Variants in LUZP2 observed in about 807,000 individuals in gnomAD.
LUZP2 encodes leucine zipper protein 2.
Under a neutral mutation model 51.6 loss-of-function variants are expected in LUZP2, and 52 were observed. The observed-to-expected ratio is 1.01, with a 90% CI of 0.81 to 1.27. LUZP2 has a LOEUF of 1.27. LUZP2 is among the 50% of genes most tolerant of loss of function. The probability of loss-of-function intolerance (pLI) is 0.00; values close to 1 mark genes in which losing one functional copy is unlikely to be tolerated. For missense variants in LUZP2, 436 were observed against 395.4 expected, an observed-to-expected ratio of 1.10 and a Z score of -0.87; for synonymous variants, 154 against 137.3, an observed-to-expected ratio of 1.12 and a Z score of -0.85.
chr11:24,837,552 T>C (rs1273868629), intron 5 of LUZP2, among the ~76,000 whole-genome samples: 1 of 151,708 alleles, frequency 6.6e-6, no homozygotes, highest in Non-Finnish European at 1.5e-5. Flanking sequence ...TAAAATAACT[T>C]GTGGAAGAGT....
chr11:24,720,099 T>C (rs1858206839), intron 1 of LUZP2, among the ~76,000 whole-genome samples: 1 of 152,176 alleles, frequency 6.6e-6, no homozygotes, highest in Non-Finnish European at 1.5e-5. Context: ...ACAATTAGAA[T>C]ATTTGAGTAT....
intron 9 of LUZP2, among the ~76,000 whole-genome samples, chr11:24,986,548 T>TGTGTGC (rs1216662661): frequency 1.3e-5 from 2 of 150,730 alleles, no homozygotes; most frequent in Non-Finnish European, 3.0e-5. Flanking sequence ...TGTGTGTGTG[T>TGTGTGC]GTGTGTGTGT....
At chr11:25,034,791 T>C (rs1014500670) in intron 9 of LUZP2, among the ~76,000 whole-genome samples, 4 of 152,106 alleles carry the variant, frequency 2.6e-5, no homozygotes, top group African/African-American at 7.2e-5. Flanking sequence ...TGTCTGTTTT[T>C]GTGCTAGTAC....
At chr11:24,961,655 T>C (rs911550716) in intron 7 of LUZP2, among the ~76,000 whole-genome samples, 1 of 152,128 alleles carries the variant, frequency 6.6e-6, no homozygotes, top group Admixed American at 6.6e-5. Flanking sequence ...GCATGTGAGA[T>C]GGGTTTCCTG....
At chr11:24,829,895 G>T (rs1850647500) in intron 5 of LUZP2, among the ~76,000 whole-genome samples, 1 of 152,142 alleles carries the variant, frequency 6.6e-6, no homozygotes, top group Non-Finnish European at 1.5e-5. Context: ...GTGGATAAAA[G>T]AAACTTGTAT....
At chr11:24,696,657 G>C (rs1388513823) in intron 1 of LUZP2, among the ~76,000 whole-genome samples, 1 of 151,900 alleles carries the variant, frequency 6.6e-6, no homozygotes, top group Non-Finnish European at 1.5e-5. Context: ...AAGAAAAAAA[G>C]GTATAACTTT....
intron 9 of LUZP2, among the ~76,000 whole-genome samples, chr11:24,986,609 C>T (rs1856196013): frequency 6.7e-6 from 1 of 149,032 alleles, no homozygotes; most frequent in Non-Finnish European, 1.5e-5. Flanking sequence ...AGATAATATA[C>T]AAAAAAAGTG....
intron 8 of LUZP2, among the ~76,000 whole-genome samples, chr11:24,979,425 C>G (rs1855966200): frequency 6.6e-6 from 1 of 151,680 alleles, no homozygotes; most frequent in African/African-American, 2.4e-5. Flanking sequence ...TAGATTTTCC[C>G]CTCTCTCCAT....
chr11:24,885,271 T>C (rs562598373), intron 5 of LUZP2, among the ~76,000 whole-genome samples: 1 of 152,240 alleles, frequency 6.6e-6, no homozygotes, highest in East Asian at 1.9e-4. Flanking sequence ...TCTTTATGTT[T>C]ACAAAATGAA....
chr11:24,949,141 A>G (rs1489930233), intron 7 of LUZP2, among the ~76,000 whole-genome samples: 3 of 151,718 alleles, frequency 2.0e-5, no homozygotes, highest in East Asian at 3.9e-4. Context: ...AGGAAAAAAC[A>G]TATGTTTTAG....
chr11:24,581,401 T>C (rs1852849369), intron 1 of LUZP2, among the ~76,000 whole-genome samples: 1 of 152,160 alleles, frequency 6.6e-6, no homozygotes, highest in African/African-American at 2.4e-5. Context: ...CCGGGTGCGG[T>C]GGCTTACGCC....
chr11:24,888,404 A>G (rs34584924), intron 5 of LUZP2, among the ~76,000 whole-genome samples: 3,237 of 152,250 alleles, frequency 0.021, 56 homozygotes, highest in Non-Finnish European at 0.032. Flanking sequence ...TTGGTTTTAC[A>G]GCCAAAAGTT....
At position 24,951,233 on chromosome 11, in the gene LUZP2, C is replaced by T. The variant is rs541581771; in HGVS notation, c.523-25358C>T. On this transcript the variant is annotated intron_variant, in intron 7 of 11. Coordinates refer to ENST00000336930, the MANE Select transcript of LUZP2 (RefSeq NM_001009909.4). ...TTAAAGCAACGTTGGGCCACACAGG[C>T]TTTTTAGCCTTTTCAAGTTTCTCTT... is the stretch of plus-strand genomic sequence containing the variant. Among the ~76,000 whole-genome samples the T allele has an allele frequency of 2.5e-4, 38 of 151,608 alleles. 1 individual carries two copies. Among genetic ancestry groups the T allele is most frequent in the African/African-American group, 8.9e-4 (37 of 41,464 alleles).
intron 4 of LUZP2, among the ~76,000 whole-genome samples, chr11:24,739,063 C>T (rs2133984617): frequency 6.6e-6 from 1 of 152,140 alleles, no homozygotes; most frequent in South Asian, 2.1e-4. Context: ...AGGAAAGACT[C>T]CCACTGAAAA....
chr11:24,696,748 GA>G (rs1368607551), intron 1 of LUZP2, among the ~76,000 whole-genome samples: 3 of 151,574 alleles, frequency 2.0e-5, no homozygotes, highest in Admixed American at 6.6e-5. Flanking sequence ...TCTGAATACA[GA>G]AAACTAAAAA....
chr11:25,063,780 A>G (rs979893621), intron 10 of LUZP2, among the ~76,000 whole-genome samples: 2 of 151,844 alleles, frequency 1.3e-5, no homozygotes, highest in African/African-American at 4.8e-5. Flanking sequence ...CATATGATTT[A>G]TTGAACATGT....
intron 9 of LUZP2, among the ~76,000 whole-genome samples, chr11:25,048,218 C>T (rs1294725210): frequency 2.0e-5 from 3 of 152,156 alleles, no homozygotes; most frequent in Non-Finnish European, 2.9e-5. Context: ...ACCCTATAGA[C>T]CAACAAGCCA....
At chr11:25,075,037 T>C (rs1403671642) in intron 10 of LUZP2, among the ~76,000 whole-genome samples, 1 of 152,152 alleles carries the variant, frequency 6.6e-6, no homozygotes, top group Non-Finnish European at 1.5e-5. Flanking sequence ...TTCTTACAAT[T>C]AGTTAATTTT....
rs765755121 is a variant in LUZP2, at chr11:24,910,425, A to G, written c.460-4051A>G. ...TATGCCCAGAGGTCTAGGAGGGAAA[A>G]ATGGTGTCATGGGCTGGGTCCAGGG... is the stretch of plus-strand genomic sequence containing the variant. On this transcript the variant is annotated intron_variant, in intron 6 of 11. Coordinates refer to ENST00000336930, the MANE Select transcript of LUZP2 (RefSeq NM_001009909.4). Among the ~76,000 whole-genome samples, 17 of 152,036 alleles carry G rather than the reference A, an allele frequency of 1.1e-4. 1 individual carries two copies. The highest frequency in any genetic ancestry group is 1.8e-4 in the Non-Finnish European group (12 of 67,992).
Sources: allele counts gnomAD v4.1 joint callset (sites outside exome capture counted in the v4.1 genomes callset), GRCh38; gene constraint gnomAD v4.1.1; transcripts MANE v1.5; gene names NCBI Gene and HGNC (gene_info 2026-07-23, HGNC 2026-07-21).